The following ZFHX3 variants were observed in gnomAD, a reference collection of about 807,000 sequenced individuals.
ZFHX3 encodes zinc finger homeobox protein 3.
In ZFHX3, 42 loss-of-function variants were observed where a neutral mutation model predicts 279.1. That is an observed-to-expected ratio of 0.15 (90% CI 0.12 to 0.19). The LOEUF (loss-of-function observed/expected upper bound fraction) is 0.19, where lower values mean the gene tolerates loss of function less well. ZFHX3 is among the 10% of genes least tolerant of loss of function. The probability of loss-of-function intolerance (pLI) is 1.00; values close to 1 mark genes in which losing one functional copy is unlikely to be tolerated. For synonymous variants in ZFHX3, 2,293 were observed against 1,957.8 expected, an observed-to-expected ratio of 1.17 and a Z score of -4.52; for missense variants, 4,981 against 4,754.0, an observed-to-expected ratio of 1.05 and a Z score of -1.40.
chr16:72,787,489 C>T lies in ZFHX3; in HGVS notation c.10787G>A (p.Ser3596Asn), dbSNP rs763228141. ...TSQSAAHSND[S>N]PPPPSAAAPS... Reference sequence around the variant, plus strand: ...GGCGGCGGCCGACGGGGGAGGGGGGCTGTCGTTTGAGTGAGCGGCAGACTG... The same window carrying T: ...GGCGGCGGCCGACGGGGGAGGGGGGTTGTCGTTTGAGTGAGCGGCAGACTG... Residue 3596 changes from serine (S) to asparagine (N), a missense_variant, in exon 10 of 10, where the codon AGC (serine) becomes AAC (asparagine). Ser to Asn is a conservative substitution (Grantham distance 46). Transcript: ENST00000268489. 1 of 1,612,264 alleles carries T rather than the reference C, an allele frequency of 6.2e-7. No individual in the cohort carries two copies. The highest frequency in any genetic ancestry group is 8.5e-7 in the Non-Finnish European group (1 of 1,179,076).
At chr16:73,326,610 G>A (rs1305108023) in intron 3 of ZFHX3, among the ~76,000 whole-genome samples, 4 of 152,124 alleles carry the variant, frequency 2.6e-5, no homozygotes. Context: ...GGTTGAGGGG[G>A]GAGGGAAGTA....
rs148887365 is a variant in ZFHX3 at position 72,991,930 on chromosome 16, G to A, written c.-49-31736C>T. On this transcript the variant is annotated intron_variant, in intron 1 of 9. Transcript: ENST00000268489. ...TGTGATTCCTCAGACACAATTGCTC[G>A]GGATGATGCTAAGGTGGGTATTTGT... 5.9e-5 allele frequency among the ~76,000 whole-genome samples: 9 copies of A among 152,292 alleles called. No individual in the cohort carries two copies. The East Asian group carries it at 9.6e-4, about 16-fold the overall frequency.
chr16:73,820,596 T>C (rs961187057), intron 1 of ZFHX3, among the ~76,000 whole-genome samples: 3 of 151,864 alleles, frequency 2.0e-5, no homozygotes, highest in African/African-American at 7.3e-5. Flanking sequence ...CACACATGAG[T>C]CCAGCTCCAG....
intron 7 of ZFHX3, among the ~76,000 whole-genome samples, chr16:73,095,170 C>T (rs1966144842): frequency 6.6e-6 from 1 of 152,042 alleles, no homozygotes. Context: ...AGTGATCCTC[C>T]CACTTTGGCC....
intron 1 of ZFHX3, among the ~76,000 whole-genome samples, chr16:73,870,547 G>A (rs1466468126): frequency 1.3e-5 from 2 of 150,344 alleles, no homozygotes; most frequent in Non-Finnish European, 2.9e-5. Flanking sequence ...CCAGACAAGT[G>A]CCCATTATTC....
intron 2 of ZFHX3, among the ~76,000 whole-genome samples, chr16:73,509,349 T>G (rs1323773504): frequency 6.6e-6 from 1 of 151,674 alleles, no homozygotes; most frequent in African/African-American, 2.4e-5. Context: ...ACTTCCCTTC[T>G]CCCCCTCCAC....
intron 7 of ZFHX3, among the ~76,000 whole-genome samples, chr16:73,124,696 A>T (rs1239840730): frequency 6.6e-6 from 1 of 152,166 alleles, no homozygotes; most frequent in Non-Finnish European, 1.5e-5. Context: ...ATCTACAAAG[A>T]TGTGGTCAGG....
intron 2 of ZFHX3, among the ~76,000 whole-genome samples, chr16:73,619,381 G>T (rs1032274237): frequency 1.3e-5 from 2 of 151,544 alleles, no homozygotes; most frequent in South Asian, 4.2e-4. Context: ...CCAGCTACTC[G>T]GGAGGCTGAG....
intron 4 of ZFHX3, among the ~76,000 whole-genome samples, chr16:73,282,149 C>G (rs4132876): frequency 0.016 from 2,369 of 152,222 alleles, 69 homozygotes; most frequent in African/African-American, 0.055. Flanking sequence ...TTGTATTTTT[C>G]CCCCACTCCA....
At position 72,953,577 on chromosome 16, in the gene ZFHX3, G is replaced by A. The variant is rs1000565557; in HGVS notation, c.2720-2612C>T. ...AAGTCCTTGGAATAAGCAGAGGAAC[G>A]AAGTCCCAGTTTCCACTTTAAGCTC... On this transcript the variant is annotated intron_variant, in intron 2 of 9. Coordinates refer to ENST00000268489, the MANE Select transcript of ZFHX3 (RefSeq NM_006885.4). 3.3e-5 allele frequency among the ~76,000 whole-genome samples: 5 copies of A among 152,120 alleles called. No individual in the cohort carries two copies. In the South Asian group the frequency reaches 6.2e-4, roughly 19 times the overall value.
intron 2 of ZFHX3, among the ~76,000 whole-genome samples, chr16:73,575,854 A>G (rs1597007343): frequency 6.6e-6 from 1 of 152,120 alleles, no homozygotes; most frequent in Non-Finnish European, 1.5e-5. Flanking sequence ...GTGCCATTCA[A>G]TTCCTCTAAG....
chr16:72,925,888 G>A (rs916207311), intron 3 of ZFHX3, among the ~76,000 whole-genome samples: 41 of 152,246 alleles, frequency 2.7e-4, no homozygotes, highest in African/African-American at 9.1e-4. Context: ...CTACTCCCCT[G>A]TCCCCCACTA....
intron 1 of ZFHX3, among the ~76,000 whole-genome samples, chr16:73,883,928 T>C (rs2030261914): frequency 6.6e-6 from 1 of 152,106 alleles, no homozygotes; most frequent in Non-Finnish European, 1.5e-5. Flanking sequence ...GAGAAGTTAC[T>C]TTGGAAATTT....
chr16:72,916,654 C>T (rs1344422965), intron 3 of ZFHX3, among the ~76,000 whole-genome samples: 3 of 151,774 alleles, frequency 2.0e-5, no homozygotes, highest in Admixed American at 6.6e-5. Context: ...CAAGAAAAGG[C>T]GAATTAATAA....
At chr16:73,391,233 T>C (rs2017007110) in intron 3 of ZFHX3, among the ~76,000 whole-genome samples, 1 of 152,088 alleles carries the variant, frequency 6.6e-6, no homozygotes, top group Non-Finnish European at 1.5e-5. Context: ...TCCAGCACTT[T>C]GGGAGGCCAA....
intron 5 of ZFHX3, among the ~76,000 whole-genome samples, chr16:73,193,635 G>T (rs73597306): frequency 0.016 from 2,387 of 152,206 alleles, 59 homozygotes; most frequent in African/African-American, 0.054. Flanking sequence ...TTTTGAAAGG[G>T]GACAACCCCT....
intron 2 of ZFHX3, among the ~76,000 whole-genome samples, chr16:73,546,356 G>T (rs867109312): frequency 4.6e-5 from 7 of 152,232 alleles, no homozygotes; most frequent in African/African-American, 1.7e-4. Flanking sequence ...CTGTAGGACC[G>T]GGTATGAGAA....
chr16:72,837,996 G>A (rs1012275773), intron 4 of ZFHX3, among the ~76,000 whole-genome samples: 1 of 152,158 alleles, frequency 6.6e-6, no homozygotes, highest in East Asian at 1.9e-4. Flanking sequence ...TACACCTGGG[G>A]CCACAGCGCC....
At chr16:73,341,453 T>A (rs1026432714) in intron 3 of ZFHX3, among the ~76,000 whole-genome samples, 4 of 152,014 alleles carry the variant, frequency 2.6e-5, no homozygotes, top group African/African-American at 9.7e-5. Context: ...AAGAAAAAAA[T>A]GTTCAACTTC....
Sources: allele counts gnomAD v4.1 joint callset (sites outside exome capture counted in the v4.1 genomes callset), GRCh38; gene constraint gnomAD v4.1.1; transcripts MANE v1.5; gene names NCBI Gene and HGNC (gene_info 2026-07-23, HGNC 2026-07-21).